GTF3C2: variants seen among roughly 807,000 people sequenced by gnomAD.
The protein encoded by GTF3C2 is general transcription factor 3C polypeptide 2.
GTF3C2 carries 17 observed loss-of-function variants against 117.4 expected under a neutral mutation model. That is an observed-to-expected ratio of 0.14 (90% confidence interval 0.10 to 0.22). The LOEUF (loss-of-function observed/expected upper bound fraction) is 0.22. Among genes scored for constraint, GTF3C2 ranks in the 10% least tolerant of loss-of-function variants. The pLI, the probability that GTF3C2 is intolerant of heterozygous loss-of-function variation, is 1.00. For missense variants in GTF3C2, 888 were observed against 1,143.6 expected, an observed-to-expected ratio of 0.78 and a Z score of 3.22; for synonymous variants, 437 against 427.0, an observed-to-expected ratio of 1.02 and a Z score of -0.29.
At position 27,335,542 on chromosome 2, in the gene GTF3C2, C is replaced by T. The variant is rs957811162; in HGVS notation, c.1576+56G>A. On this transcript the variant is annotated intron_variant, in intron 10 of 18. Transcript: ENST00000264720. ...GAGTTTCCAGGGAGACAGACAGGCC[C>T]TGCTATGCTGTGACCACCACTACAG... 1.7e-5 allele frequency: 17 copies of T among 1,005,496 alleles called. No homozygotes were observed. In the African/African-American group the frequency reaches 2.6e-4, roughly 15 times the overall value. 62.3% of individuals were successfully genotyped at this position (1,005,496 alleles called of 1,614,324 possible).
In GTF3C2 at chr2:27,343,158, G is replaced by A. The variant is rs1173076022; in HGVS notation, c.248-11C>T. The A allele has an allele frequency of 3.2e-6, 5 of 1,552,700 alleles. No individual in the cohort carries two copies. The African/African-American group carries it at 4.1e-5, about 13-fold the overall frequency. On this transcript the variant is annotated splice_polypyrimidine_tract_variant and intron_variant, in intron 2 of 18. Transcript: ENST00000264720. ...TCTCTGAAGAAAGATCTGTGGAGAA[G>A]AATATGGGTCTGTGAGATGGGACCA...
chr2:27,325,985 G>A (rs1572559319), exon 19 of GTF3C2: 1 of 230,086 alleles, frequency 4.3e-6, no homozygotes, highest in South Asian at 4.8e-5. Flanking sequence ...ATTTATAGAA[G>A]TATACTCTCT....
exon 10 of GTF3C2, chr2:27,335,637 G>A: frequency 6.4e-7 from 1 of 1,558,744 alleles, no homozygotes. Flanking sequence ...GGATGGGGTA[G>A]ACTGAATAGC....
At chr2:27,352,989 C>T (rs1486487551) in intron 1 of GTF3C2, among the ~76,000 whole-genome samples, 13 of 152,190 alleles carry the variant, frequency 8.5e-5, no homozygotes, top group Admixed American at 8.5e-4. Context: ...TTTTTGTTTG[C>T]AAACTCACCT....
intron 1 of GTF3C2, among the ~76,000 whole-genome samples, chr2:27,344,917 C>T (rs1417641659): frequency 1.3e-5 from 2 of 151,592 alleles, no homozygotes; most frequent in South Asian, 2.1e-4. Flanking sequence ...CCTAGGAGTT[C>T]GAGGTTACAG....
At chr2:27,339,015 T>C (rs1680612934) in intron 4 of GTF3C2, among the ~76,000 whole-genome samples, 1 of 152,212 alleles carries the variant, frequency 6.6e-6, no homozygotes, top group South Asian at 2.1e-4. Flanking sequence ...TTCCGTCATG[T>C]AAACCTGACT....
rs1212535161 is a variant in GTF3C2, at chr2:27,329,581, ATTTC to A, written c.1733-62_1733-59del. Reference sequence around the variant, plus strand: ...AGCAAGTTCTCTCTTCCTTGCTCTAATTTCTTTCTCTGGGCTCCTAGGACCTTTG... The same window carrying A: ...AGCAAGTTCTCTCTTCCTTGCTCTAATTTCTCTGGGCTCCTAGGACCTTTG... On this transcript the variant is annotated intron_variant, in intron 12 of 18. Transcript: ENST00000264720. The surrounding 1 kb of genome is among the most constrained non-coding windows in gnomAD (Gnocchi z 4.5). 2.0e-5 allele frequency: 31 copies of A among 1,563,408 alleles called. No homozygotes were observed. The highest frequency in any genetic ancestry group is 2.5e-5 in the Non-Finnish European group (28 of 1,140,996).
At chr2:27,347,349 G>A (rs1680954349) in intron 1 of GTF3C2, among the ~76,000 whole-genome samples, 1 of 152,188 alleles carries the variant, frequency 6.6e-6, no homozygotes, top group African/African-American at 2.4e-5. Flanking sequence ...TGTCTCACTT[G>A]AAGAAGCTAC....
intron 1 of GTF3C2, among the ~76,000 whole-genome samples, chr2:27,352,556 T>C (rs1471503217): frequency 6.6e-6 from 1 of 152,198 alleles, no homozygotes; most frequent in East Asian, 1.9e-4. Flanking sequence ...CCAAACAGCA[T>C]TTAAATATGT....
intron 10 of GTF3C2, chr2:27,335,366 G>A (rs1558615392): frequency 1.5e-6 from 1 of 660,552 alleles, no homozygotes; most frequent in Non-Finnish European, 2.9e-6. Context: ...GAGCACAGAA[G>A]AGGGAAGAAG....
chr2:27,333,365 G>C (rs1407595349), intron 12 of GTF3C2, among the ~76,000 whole-genome samples: 1 of 151,248 alleles, frequency 6.6e-6, no homozygotes, highest in African/African-American at 2.4e-5. Flanking sequence ...GTATTGGCCA[G>C]GCTGGTCTTG....
chr2:27,330,065 G>C (rs1680224745), intron 12 of GTF3C2, among the ~76,000 whole-genome samples: 1 of 146,518 alleles, frequency 6.8e-6, no homozygotes, highest in South Asian at 2.2e-4. Context: ...AGAATCGCTT[G>C]AACTCAGGAG....
chr2:27,331,918 GAC>G (rs1680284299), intron 12 of GTF3C2, among the ~76,000 whole-genome samples: 1 of 152,094 alleles, frequency 6.6e-6, no homozygotes, highest in South Asian at 2.1e-4. Context: ...CAGCCTGGGT[GAC>G]AGAGTGAGAC....
intron 4 of GTF3C2, chr2:27,339,622 A>G (rs1190446290): frequency 1.3e-5 from 2 of 151,966 alleles, no homozygotes; most frequent in South Asian, 2.1e-4. Context: ...GGTCTCATAT[A>G]TGCAACTGGT....
chr2:27,336,626 T>C (rs895427359), intron 7 of GTF3C2: 3 of 533,294 alleles, frequency 5.6e-6, no homozygotes, highest in Non-Finnish European at 1.0e-5. Context: ...TATATTATTA[T>C]TATTTGAGAT....
chr2:27,328,742 T>C, intron 15 of GTF3C2, 102 bp downstream of exon 15: 1 of 1,057,868 alleles, frequency 9.5e-7, no homozygotes, highest in Non-Finnish European at 1.4e-6. Context: ...ACAACATCCC[T>C]ATCTTCTCCT....
intron 10 of GTF3C2, chr2:27,335,234 T>G: frequency 2.1e-6 from 1 of 484,806 alleles, no homozygotes. Context: ...CAGGAGAGGC[T>G]AAGAACAGGA....
chr2:27,333,099 T>C (rs190206901), intron 12 of GTF3C2, among the ~76,000 whole-genome samples: 140 of 151,834 alleles, frequency 9.2e-4, no homozygotes, highest in African/African-American at 3.2e-3. Context: ...CCTCCCATCT[T>C]GGCCACCCAA....
At chr2:27,328,492 G>A (rs1256024818) in exon 16 of GTF3C2, 2 of 1,613,800 alleles carry the variant, frequency 1.2e-6, no homozygotes, top group East Asian at 2.2e-5. Context: ...CAGGTCGCTT[G>A]ACATTTATTG....
Sources: allele counts gnomAD v4.1 joint callset (sites outside exome capture counted in the v4.1 genomes callset), GRCh38; gene constraint gnomAD v4.1.1; non-coding constraint Gnocchi (gnomAD v3.1); transcripts MANE v1.5; gene names NCBI Gene and HGNC (gene_info 2026-07-23, HGNC 2026-07-21).